The following WIZ variants were observed in gnomAD, a reference collection of about 807,000 sequenced individuals.
WIZ encodes protein Wiz.
Under a neutral mutation model 140.2 loss-of-function variants are expected in WIZ, and 25 were observed. The ratio of observed to expected loss-of-function variants is 0.18; its 90% CI spans 0.13 to 0.25. The LOEUF (loss-of-function observed/expected upper bound fraction) is 0.25. WIZ is among the 10% of genes least tolerant of loss of function. The probability of loss-of-function intolerance (pLI) is 1.00; values close to 1 mark genes in which losing one functional copy is unlikely to be tolerated. For synonymous variants in WIZ, 1,125 were observed against 1,154.3 expected (o/e 0.97, Z 0.51); for missense variants, 2,231 against 2,632.6 (o/e 0.85, Z 3.34).
chr19:15,423,356 G>T, intron 12 of WIZ, 121 bp from the exon 13 acceptor site: 1 of 1,284,428 alleles, frequency 7.8e-7, no homozygotes, highest in Non-Finnish European at 1.0e-6. Context: ...AGCCCAGGAG[G>T]CGGGGGAAGA....
In WIZ at chr19:15,428,088, G is replaced by T; in HGVS notation, c.3814+22C>A. 1 of 1,532,964 alleles carries T rather than the reference G, an allele frequency of 6.5e-7. No individual in the cohort carries two copies. The allele number at this position is 1,532,964 out of a possible 1,614,324, so 95.0% of individuals were successfully genotyped here. A position where few individuals can be genotyped will look rare whatever the true frequency, so the allele number is the denominator to read the frequency against. ...GCTCCAGGGCCCGCAGTGAGGAGGG[G>T]GCAGCTGAAGCGAGAACCTACAGAG... On this transcript the variant is annotated intron_variant, in intron 8 of 12. Coordinates refer to ENST00000673675, the MANE Select transcript of WIZ (RefSeq NM_001371589.1). This position sits in a 1 kb window ranked among gnomAD's most constrained non-coding sequence, Gnocchi z 6.4.
Position 15,424,485 on chromosome 19 carries a change from G to T in WIZ, c.5315-107C>A. ...TGCTACCTGGATGGGTGGGATGGGG[G>T]ATGGATGGGTGAATGGGTAAGCAAC... On this transcript the variant is annotated intron_variant, in intron 11 of 12. Transcript: ENST00000673675. The surrounding 1 kb of genome is among the most constrained non-coding windows in gnomAD (Gnocchi z 9.7). 6.5e-7 allele frequency: 1 copy of T among 1,529,306 alleles called. No individual in the cohort carries two copies. Among genetic ancestry groups the T allele is most frequent in the South Asian group, 1.2e-5 (1 of 82,482 alleles). The allele number at this position is 1,529,306 out of a possible 1,614,324, so 94.7% of individuals were successfully genotyped here. A position where few individuals can be genotyped will look rare whatever the true frequency, so the allele number is the denominator to read the frequency against.
In WIZ at chr19:15,429,851, G is replaced by A; in HGVS notation, c.3150C>T (p.Ala1050=). The A allele has an allele frequency of 4.6e-6, 7 of 1,530,224 alleles. No individual in the cohort carries two copies. The highest frequency in any genetic ancestry group is 6.1e-6 in the Non-Finnish European group (7 of 1,142,838). 94.8% of individuals were successfully genotyped at this position (1,530,224 alleles called of 1,614,324 possible). A position where few individuals can be genotyped will look rare whatever the true frequency, so the allele number is the denominator to read the frequency against. Residue 1050 remains alanine (A), a synonymous_variant, in exon 7 of 13, where the codon GCC becomes GCT. Coordinates refer to ENST00000673675, the MANE Select transcript of WIZ (RefSeq NM_001371589.1). ...SSSLKEVVAG[A]PRPGLLSLAK... ...CCAGGCTGAGCAAGCCGGGCCGGGG[G>A]GCCCCGGCGACCACCTCCTTCAGTG...
intron 5 of WIZ, among the ~76,000 whole-genome samples, chr19:15,432,065 C>T (rs959569554): frequency 1.3e-5 from 2 of 152,126 alleles, no homozygotes; most frequent in African/African-American, 4.8e-5. Flanking sequence ...AGAGTAGGCG[C>T]TGAGGACTGG....
At position 15,428,209 on chromosome 19, in the gene WIZ, C is replaced by A; in HGVS notation, c.3715G>T (p.Ala1239Ser). The change falls in exon 8 of 13, where the codon GCG (alanine) becomes TCG (serine). Residue 1239 changes from alanine to serine, a missense_variant. By Grantham distance (99) the Ala-to-Ser change is moderately conservative (BLOSUM62 1). Coordinates refer to ENST00000673675, the MANE Select transcript of WIZ (RefSeq NM_001371589.1). This position sits in a 1 kb window ranked among gnomAD's most constrained non-coding sequence, Gnocchi z 6.4. ...TTCCCCCAGGGGCTGGCCATACCCG[C>A]GGCCTTCAGCTTGGCCTTCTTGGCC... ...PPAKKAKLKA[A>S]GMASPWGKQD... 1 of 1,533,576 alleles carries A rather than the reference C, an allele frequency of 6.5e-7. No homozygotes were observed. The highest frequency in any genetic ancestry group is 8.7e-7 in the Non-Finnish European group (1 of 1,146,450). 95.0% of individuals were successfully genotyped at this position (1,533,576 alleles called of 1,614,324 possible). A position where few individuals can be genotyped will look rare whatever the true frequency, so the allele number is the denominator to read the frequency against.
At chr19:15,429,315 C>A (rs1388741760) in intron 7 of WIZ, among the ~76,000 whole-genome samples, 1 of 152,180 alleles carries the variant, frequency 6.6e-6, no homozygotes, top group South Asian at 2.1e-4. Context: ...CCCTCAGTGG[C>A]GAGCATGACC....
At chr19:15,432,329 A>AGG (rs1054711531) in intron 5 of WIZ, 1 of 565,330 alleles carries the variant, frequency 1.8e-6, no homozygotes, top group Non-Finnish European at 2.2e-6. Context: ...GGCCTGGGGG[A>AGG]GGGGGGGGTC....
chr19:15,440,124 CAGGT>C lies in WIZ; in HGVS notation c.866_869del (p.Tyr289CysfsTer45). ...CGGCCACCTCCTCCAGCAGCTCACA[CAGGT>C]AGGGCCCGGTCCGGATCGGGGGCAG... On this transcript the variant is annotated frameshift_variant, in exon 4 of 13. Transcript: ENST00000673675. LOFTEE classifies it high-confidence loss of function. The surrounding 1 kb of genome is among the most constrained non-coding windows in gnomAD (Gnocchi z 6.2). 6.5e-7 allele frequency: 1 copy of C among 1,533,224 alleles called. No individual in the cohort carries two copies. The highest frequency in any genetic ancestry group is 8.7e-7 in the Non-Finnish European group (1 of 1,145,612). 95.0% of individuals were successfully genotyped at this position (1,533,224 alleles called of 1,614,324 possible).
At position 15,422,918 on chromosome 19, in the gene WIZ, C is replaced by T. The variant is rs374158094; in HGVS notation, c.*158G>A. On this transcript the variant is annotated 3_prime_UTR_variant, in exon 13 of 13. Transcript: ENST00000673675. ...GGAAGGGCAGCTAGCTGGCTCCCGG[C>T]GCCCTGGCTGTAGTGTGCCCGGCCC... The T allele has an allele frequency of 2.1e-5, 24 of 1,143,870 alleles. No homozygotes were observed. The East Asian group carries it at 4.2e-4, about 20-fold the overall frequency. 70.9% of individuals were successfully genotyped at this position (1,143,870 alleles called of 1,614,324 possible).
At chr19:15,446,122 C>A (rs1348998760) in intron 2 of WIZ, among the ~76,000 whole-genome samples, 1 of 152,146 alleles carries the variant, frequency 6.6e-6, no homozygotes, top group African/African-American at 2.4e-5. Context: ...TGAGGGAAAC[C>A]TTCAAGGGTG....
chr19:15,430,541 C>A (rs1341109503), intron 6 of WIZ, among the ~76,000 whole-genome samples: 1 of 152,186 alleles, frequency 6.6e-6, no homozygotes, highest in Non-Finnish European at 1.5e-5. Context: ...TTTATCCTTG[C>A]CTATCTGCTT....
intron 5 of WIZ, among the ~76,000 whole-genome samples, chr19:15,434,217 C>A (rs185039793): frequency 2.7e-5 from 4 of 149,276 alleles, no homozygotes; most frequent in African/African-American, 9.9e-5. Context: ...AAGATCGTGC[C>A]ACTGCACTCC....
chr19:15,442,621 C>T lies in WIZ; in HGVS notation c.278+55G>A. ...CCCAGGGGCTTATCTGAGGCCTGGG[C>T]ATGTCCTGCTTGCCCCCCTGCCCTC... On this transcript the variant is annotated intron_variant, in intron 3 of 12. Coordinates refer to ENST00000673675, the MANE Select transcript of WIZ (RefSeq NM_001371589.1). This position sits in a 1 kb window ranked among gnomAD's most constrained non-coding sequence, Gnocchi z 5.5. 1.7e-6 allele frequency: 2 copies of T among 1,183,858 alleles called. No homozygotes were observed. The highest frequency in any genetic ancestry group is 1.1e-6 in the Non-Finnish European group (1 of 943,942). 73.3% of individuals were successfully genotyped at this position (1,183,858 alleles called of 1,614,324 possible).
rs778548938 is a variant in WIZ, at chr19:15,424,627, C to T, written c.5300G>A (p.Arg1767Gln). 1.1e-5 allele frequency: 17 copies of T among 1,592,004 alleles called. No individual in the cohort carries two copies. The African/African-American group carries it at 1.1e-4, about 10-fold the overall frequency. Residue 1767 changes from arginine to glutamine, a missense_variant, in exon 11 of 13, where the codon CGG becomes CAG. By Grantham distance (43) the Arg-to-Gln change is conservative. Around this residue, in one of 15 missense-constraint regions of WIZ, gnomAD observed 299 missense variants for 309.6 expected, o/e 0.97. Transcript: ENST00000673675. The surrounding 1 kb of genome is among the most constrained non-coding windows in gnomAD (Gnocchi z 9.7). ...CAAGCACTCACTGTTGATGTTCTGC[C>T]GCTGGTGCTCCTCAGCCTTCACGGT... ...PGTVKAEEHQRQNINKFERRQ... is the reference protein window; with the variant it reads ...PGTVKAEEHQQQNINKFERRQ...
chr19:15,429,904 G>T lies in WIZ; in HGVS notation c.3097C>A (p.Pro1033Thr). 1 of 1,535,942 alleles carries T rather than the reference G, an allele frequency of 6.5e-7. No homozygotes were observed. Among genetic ancestry groups the T allele is most frequent in the African/African-American group, 1.4e-5 (1 of 73,176 alleles). Residue 1033 changes from proline (P) to threonine (T), a missense_variant, in exon 7 of 13, where the codon CCC (proline) becomes ACC (threonine). Physicochemically the swap from Pro to Thr is conservative, Grantham distance 38. Around this residue, in one of 15 missense-constraint regions of WIZ, gnomAD observed 163 missense variants for 166.8 expected, o/e 0.98. Coordinates refer to ENST00000673675, the MANE Select transcript of WIZ (RefSeq NM_001371589.1). ...KGLPDAHLGL[P>T]PGLAKKSSSL... is the part of the protein sequence containing the mutation. ...CTGGACTTCTTAGCCAGGCCTGGGG[G>T]CAGCCCAAGGTGGGCGTCAGGCAGA...
intron 12 of WIZ, among the ~76,000 whole-genome samples, chr19:15,423,766 G>T (rs1968528181): frequency 6.6e-6 from 1 of 152,242 alleles, no homozygotes; most frequent in Admixed American, 6.5e-5. Context: ...GTGGACTTTG[G>T]TAAGAATTAA....
intron 5 of WIZ, 43 bp downstream of exon 5, chr19:15,436,763 T>G (rs1303125466): frequency 8.0e-6 from 12 of 1,499,414 alleles, no homozygotes; most frequent in Non-Finnish European, 1.1e-5. Context: ...TCTGGGCCCC[T>G]GGGAAGGATG....
intron 5 of WIZ, among the ~76,000 whole-genome samples, chr19:15,431,543 C>CA (rs1207458429): frequency 2.6e-5 from 4 of 152,158 alleles, no homozygotes; most frequent in African/African-American, 9.7e-5. Context: ...GGGAGGCACT[C>CA]AGAGAGGGAA....
Position 15,439,644 on chromosome 19 carries a change from G to A in WIZ, c.1350C>T (p.Ser450=), listed in dbSNP as rs1052215091. ...CTCCGTAGGGCTGATAGAGGAGGGC[G>A]CTGGCCTCAGGGCTGGGGCTGCCAG... is the stretch of plus-strand genomic sequence containing the variant. ...SGAGSPSPEA[S]ALLYQPYGAA... is the part of the protein sequence containing the mutation. Residue 450 remains serine, a synonymous_variant, in exon 4 of 13, where the codon AGC becomes AGT. Coordinates refer to ENST00000673675, the MANE Select transcript of WIZ (RefSeq NM_001371589.1). This position sits in a 1 kb window ranked among gnomAD's most constrained non-coding sequence, Gnocchi z 7.0. 17 of 1,494,468 alleles carry A rather than the reference G, an allele frequency of 1.1e-5. No homozygotes were observed. Among genetic ancestry groups the A allele is most frequent in the East Asian group, 2.5e-5 (1 of 40,616 alleles). The allele number at this position is 1,494,468 out of a possible 1,614,324, so 92.6% of individuals were successfully genotyped here. A position where few individuals can be genotyped will look rare whatever the true frequency, so the allele number is the denominator to read the frequency against.
Sources: allele counts gnomAD v4.1 joint callset (sites outside exome capture counted in the v4.1 genomes callset), GRCh38; gene constraint gnomAD v4.1.1; regional missense constraint gnomAD v4.1.1; non-coding constraint Gnocchi (gnomAD v3.1); transcripts MANE v1.5; gene names NCBI Gene and HGNC (gene_info 2026-07-23, HGNC 2026-07-21).